MACF1: variants seen among roughly 807,000 people sequenced by gnomAD.
The protein encoded by MACF1 is microtubule-actin cross-linking factor 1.
Under a neutral mutation model 854.8 loss-of-function variants are expected in MACF1, and 193 were observed. The observed-to-expected ratio is 0.23, with a 90% CI of 0.20 to 0.25. MACF1 has a LOEUF of 0.25. Ranked by LOEUF, MACF1 falls within the 10% of genes least tolerant of loss-of-function variation. MACF1 has a pLI of 1.00. For missense variants in MACF1, 7,722 were observed against 8,929.1 expected (o/e 0.86, Z 5.45); for synonymous variants, 3,185 against 3,226.7 (o/e 0.99, Z 0.44).
chr1:39,371,816 CTTT>C (rs570266079), intron 51 of MACF1, among the ~76,000 whole-genome samples: 2 of 137,732 alleles, frequency 1.5e-5, no homozygotes, highest in Admixed American at 7.3e-5. Flanking sequence ...TCTTTCTTTG[CTTT>C]TTTTTTTTTT....
At chr1:39,247,205 T>A (rs1175330633) in intron 2 of MACF1, among the ~76,000 whole-genome samples, 1 of 151,004 alleles carries the variant, frequency 6.6e-6, no homozygotes, top group Non-Finnish European at 1.5e-5. Flanking sequence ...CCCGTGTAGC[T>A]GGGACTACAG....
intron 3 of MACF1, among the ~76,000 whole-genome samples, chr1:39,250,948 G>C (rs889675159): frequency 2.0e-5 from 3 of 152,192 alleles, no homozygotes; most frequent in Non-Finnish European, 2.9e-5. Flanking sequence ...ATTTAGAAAA[G>C]TCCAGGGTTG....
intron 79 of MACF1, 96 bp downstream of exon 79, chr1:39,443,670 C>A (rs1644164147): frequency 7.7e-7 from 1 of 1,299,600 alleles, no homozygotes; most frequent in African/African-American, 1.5e-5. Flanking sequence ...TGGAAATCTA[C>A]AAAGTAGTGC....
chr1:39,429,105 T>C (rs1286417726), intron 63 of MACF1, 137 bp from the exon 64 acceptor site: 1 of 554,578 alleles, frequency 1.8e-6, no homozygotes, highest in Non-Finnish European at 3.3e-6. Flanking sequence ...AAGGAGAAGA[T>C]GAGGGGATCA....
chr1:39,137,073 A>T (rs1184468131), intron 2 of MACF1, among the ~76,000 whole-genome samples: 5 of 152,204 alleles, frequency 3.3e-5, no homozygotes, highest in African/African-American at 1.2e-4. Context: ...AATTTAATTT[A>T]ATTTAATTTT....
intron 2 of MACF1, among the ~76,000 whole-genome samples, chr1:39,194,252 T>G (rs1484733409): frequency 6.6e-6 from 1 of 151,948 alleles, no homozygotes; most frequent in Non-Finnish European, 1.5e-5. Context: ...CTGAGCTTGA[T>G]AGGAAGGCCA....
chr1:39,448,540 A>C lies in MACF1; in HGVS notation c.20089-54A>C, dbSNP rs189130269. On this transcript the variant is annotated intron_variant, in intron 83 of 100. Coordinates refer to ENST00000564288, the MANE Select transcript of MACF1 (RefSeq NM_001394062.1). ...GAAAACTCAAATTCTTTTGTTCCAA[A>C]TCAAGATGTCGTCTGACTTTTAACA... 1,087 of 1,398,174 alleles carry C rather than the reference A, an allele frequency of 7.8e-4. 15 individuals are homozygous for C. The highest frequency in any genetic ancestry group is 2.7e-4 in the Non-Finnish European group (284 of 1,054,446). 86.6% of individuals were successfully genotyped at this position (1,398,174 alleles called of 1,614,324 possible).
At chr1:39,450,304 A>AT (rs558073532) in intron 84 of MACF1, among the ~76,000 whole-genome samples, 80,986 of 148,940 alleles carry the variant, frequency 0.54, 22,070 homozygotes, top group Middle Eastern at 0.6. Context: ...CTGTACTCCA[A>AT]TTTTTTTTTT....
intron 23 of MACF1, among the ~76,000 whole-genome samples, chr1:39,307,363 A>G (rs1372268001): frequency 1.3e-5 from 2 of 151,774 alleles, no homozygotes; most frequent in Non-Finnish European, 2.9e-5. Context: ...AGAATTGTTT[A>G]TCGTTCACCA....
intron 2 of MACF1, among the ~76,000 whole-genome samples, chr1:39,106,317 GT>G (rs1415249225): frequency 6.6e-6 from 1 of 152,124 alleles, no homozygotes; most frequent in African/African-American, 2.4e-5. Flanking sequence ...GTAGGGGTCT[GT>G]TTTTTTCCTC....
chr1:39,421,918 CA>C (rs1003909113), intron 58 of MACF1, among the ~76,000 whole-genome samples: 1 of 151,734 alleles, frequency 6.6e-6, no homozygotes, highest in Non-Finnish European at 1.5e-5. Context: ...ACTAAAAATG[CA>C]AAAAAATTAG....
In MACF1 at chr1:39,310,818, T is replaced by C. The variant is rs962981405; in HGVS notation, c.3101-13T>C. On this transcript the variant is annotated splice_polypyrimidine_tract_variant and intron_variant, in intron 25 of 100. Coordinates refer to ENST00000564288, the MANE Select transcript of MACF1 (RefSeq NM_001394062.1). ...GTCGAGCTTACTGGTCTTTTGTGTT[T>C]GTTCATTCACAGAGGACAAAGAGGA... 6.3e-7 allele frequency: 1 copy of C among 1,598,462 alleles called. No individual in the cohort carries two copies. The highest frequency in any genetic ancestry group is 1.7e-5 in the Admixed American group (1 of 57,568).
chr1:39,229,935 G>C (rs992014091), intron 1 of MACF1, among the ~76,000 whole-genome samples: 1 of 152,078 alleles, frequency 6.6e-6, no homozygotes, highest in African/African-American at 2.4e-5. Flanking sequence ...CAGAGGTGGG[G>C]TTTTACCATG....
chr1:39,289,791 T>G lies in MACF1; in HGVS notation c.1786-2119T>G, dbSNP rs546929343. ...GGCGCAATCTCGGCTCACTGCAACC[T>G]TTGGATTCTAAGCAATTCTCATGCC... On this transcript the variant is annotated intron_variant, in intron 15 of 100. Coordinates refer to ENST00000564288, the MANE Select transcript of MACF1 (RefSeq NM_001394062.1). Among the ~76,000 whole-genome samples, 3 of 136,044 alleles carry G rather than the reference T, an allele frequency of 2.2e-5. No individual in the cohort carries two copies. The South Asian group carries it at 7.9e-4, about 36-fold the overall frequency. 89.3% of individuals were successfully genotyped at this position (136,044 alleles called of 152,430 possible). A position where few individuals can be genotyped will look rare whatever the true frequency, so the allele number is the denominator to read the frequency against.
At chr1:39,278,228 C>T (rs59656926) in intron 6 of MACF1, among the ~76,000 whole-genome samples, 3,032 of 152,234 alleles carry the variant, frequency 0.02, 109 homozygotes, top group African/African-American at 0.07. Context: ...GTACTGTGCA[C>T]ACATATCATG....
intron 2 of MACF1, among the ~76,000 whole-genome samples, chr1:39,180,551 G>A (rs1200851596): frequency 6.6e-6 from 1 of 152,214 alleles, no homozygotes; most frequent in Admixed American, 6.5e-5. Context: ...GGGAGGCAGA[G>A]GTTTCAGTGA....
At chr1:39,148,309 A>T (rs1391830062) in intron 2 of MACF1, among the ~76,000 whole-genome samples, 1 of 152,176 alleles carries the variant, frequency 6.6e-6, no homozygotes, top group East Asian at 1.9e-4. Flanking sequence ...CTTTCTCCAG[A>T]TAAAGAATGT....
intron 77 of MACF1, 21 bp downstream of exon 77, chr1:39,442,588 ATC>A: frequency 6.2e-7 from 1 of 1,613,600 alleles, no homozygotes; most frequent in Non-Finnish European, 8.5e-7. Flanking sequence ...TCATTTTTTC[ATC>A]TCTAACCCTA....
rs548395529 is a variant in MACF1 at position 39,452,903 on chromosome 1, A to G, written c.20742+91A>G. ...ATGAAAGCAACTTTTTCTTGGAAAT[A>G]TCAGAGCTCACATGAAAAGGAACAA... On this transcript the variant is annotated intron_variant, in intron 87 of 100. Coordinates refer to ENST00000564288, the MANE Select transcript of MACF1 (RefSeq NM_001394062.1). The G allele has an allele frequency of 2.2e-4, 317 of 1,464,136 alleles. 4 individuals are homozygous for G. The South Asian group carries it at 3.7e-3, about 17-fold the overall frequency. The allele number at this position is 1,464,136 out of a possible 1,614,324, so 90.7% of individuals were successfully genotyped here. A position where few individuals can be genotyped will look rare whatever the true frequency, so the allele number is the denominator to read the frequency against.
Sources: allele counts gnomAD v4.1 joint callset (sites outside exome capture counted in the v4.1 genomes callset), GRCh38; gene constraint gnomAD v4.1.1; transcripts MANE v1.5; gene names NCBI Gene and HGNC (gene_info 2026-07-23, HGNC 2026-07-21).